The following SPIDR variants were observed in gnomAD, a reference collection of about 807,000 sequenced individuals.
SPIDR encodes scaffold protein involved in DNA repair.
In SPIDR, 93 loss-of-function variants were observed where a neutral mutation model predicts 104.6. The observed-to-expected ratio is 0.89, with a 90% CI of 0.75 to 1.06. SPIDR has a LOEUF of 1.06. Ranked by LOEUF, SPIDR falls within the 50% of genes least tolerant of loss-of-function variation. The probability of loss-of-function intolerance (pLI) is 0.00; values close to 1 mark genes in which losing one functional copy is unlikely to be tolerated. For synonymous variants in SPIDR, 431 were observed against 416.9 expected (o/e 1.03, Z -0.41); for missense variants, 1,154 against 1,111.2 (o/e 1.04, Z -0.55).
rs1163552801 is a variant in SPIDR at position 47,700,484 on chromosome 8, T to G, written c.1767T>G (p.Cys589Trp). Residue 589 changes from cysteine (C) to tryptophan (W), a missense_variant, in exon 12 of 20, where the codon TGT (cysteine) becomes TGG (tryptophan). By Grantham distance (215) the Cys-to-Trp change is radical. Transcript: ENST00000297423. ...PLKTPGRDQP[C>W]EEIKTHLPPP... Reference sequence around the variant, plus strand: ...AAACACCTGGCCGCGACCAGCCCTGTGAAGAGGTAAGCCCGGCACTGGAAA... The same window carrying G: ...AAACACCTGGCCGCGACCAGCCCTGGGAAGAGGTAAGCCCGGCACTGGAAA... 1.9e-6 allele frequency: 3 copies of G among 1,614,182 alleles called. No individual in the cohort carries two copies. In the Admixed American group the frequency reaches 5.0e-5, roughly 27 times the overall value.
chr8:47,598,936 T>C lies in SPIDR; in HGVS notation c.1294-10T>C. On this transcript the variant is annotated splice_polypyrimidine_tract_variant and intron_variant, in intron 9 of 19. Transcript: ENST00000297423. ...GTCTTGAAACTGTTCCCTTTATGTG[T>C]CTTGGCCAGGTTGTGTGTAGTGGTG... 1 of 1,613,864 alleles carries C rather than the reference T, an allele frequency of 6.2e-7. No individual in the cohort carries two copies. The highest frequency in any genetic ancestry group is 8.5e-7 in the Non-Finnish European group (1 of 1,179,870).
intron 11 of SPIDR, among the ~76,000 whole-genome samples, chr8:47,699,214 T>C (rs1252993158): frequency 6.6e-6 from 1 of 152,220 alleles, no homozygotes; most frequent in East Asian, 1.9e-4. Context: ...GGCTAATGTG[T>C]TGGACACTCA....
At chr8:47,619,002 C>G (rs772504461) in intron 10 of SPIDR, among the ~76,000 whole-genome samples, 1 of 152,238 alleles carries the variant, frequency 6.6e-6, no homozygotes, top group Non-Finnish European at 1.5e-5. Flanking sequence ...ACACAAGAAG[C>G]TGGCAACTTT....
chr8:47,729,156 G>A (rs2084797588), intron 18 of SPIDR, 109 bp downstream of exon 18: 1 of 1,539,974 alleles, frequency 6.5e-7, no homozygotes, highest in Admixed American at 2.0e-5. Flanking sequence ...CAGAGGCGCT[G>A]GGACTCGGCT....
chr8:47,728,786 C>T, intron 17 of SPIDR, 147 bp from the exon 18 acceptor site: 2 of 844,498 alleles, frequency 2.4e-6, no homozygotes, highest in Admixed American at 2.9e-5. Context: ...CAGGCAGCTG[C>T]AGGCCTCTCT....
At chr8:47,323,790 T>C (rs1554598441) in intron 5 of SPIDR, among the ~76,000 whole-genome samples, 1 of 152,156 alleles carries the variant, frequency 6.6e-6, no homozygotes, top group Non-Finnish European at 1.5e-5. Context: ...AGAATTAGTC[T>C]TCTACTTCTT....
Position 47,553,230 on chromosome 8 carries a change from A to G in SPIDR, c.1098-42581A>G, listed in dbSNP as rs987750309. ...CATTTCAACCTTGGTGAATCTGACA[A>G]TTATGTGTCTTGGGGTTGCTCTTCT... On this transcript the variant is annotated intron_variant, in intron 8 of 19. Coordinates refer to ENST00000297423, the MANE Select transcript of SPIDR (RefSeq NM_001080394.4). 1.3e-5 allele frequency among the ~76,000 whole-genome samples: 2 copies of G among 152,070 alleles called. 1 individual carries two copies.
intron 5 of SPIDR, 121 bp from the exon 6 acceptor site, chr8:47,396,255 C>CA (rs1473833419): frequency 7.0e-6 from 6 of 852,698 alleles, no homozygotes; most frequent in Non-Finnish European, 8.8e-6. Flanking sequence ...ATACTGTATT[C>CA]AAAAAGGTCC....
chr8:47,676,785 C>T (rs2076505081), intron 11 of SPIDR, among the ~76,000 whole-genome samples: 1 of 152,164 alleles, frequency 6.6e-6, no homozygotes, highest in Non-Finnish European at 1.5e-5. Flanking sequence ...TATCACTCAG[C>T]CCTACCCGCT....
At chr8:47,616,701 A>G (rs2064360551) in intron 10 of SPIDR, among the ~76,000 whole-genome samples, 1 of 152,254 alleles carries the variant, frequency 6.6e-6, no homozygotes, top group Non-Finnish European at 1.5e-5. Context: ...CGAAGATAAT[A>G]CAGAGCATTC....
At chr8:47,329,906 A>G (rs1278177215) in intron 5 of SPIDR, among the ~76,000 whole-genome samples, 5 of 152,152 alleles carry the variant, frequency 3.3e-5, no homozygotes, top group South Asian at 2.1e-4. Flanking sequence ...TGACATTTCT[A>G]TATGTTATAG....
chr8:47,358,517 G>A (rs143864312), intron 5 of SPIDR, among the ~76,000 whole-genome samples: 2 of 152,052 alleles, frequency 1.3e-5, no homozygotes, highest in East Asian at 1.9e-4. Context: ...TTTTCCTGAG[G>A]TGTCAGAAGA....
intron 8 of SPIDR, among the ~76,000 whole-genome samples, chr8:47,458,658 G>T (rs2073428225): frequency 6.6e-6 from 1 of 151,892 alleles, no homozygotes; most frequent in Non-Finnish European, 1.5e-5. Flanking sequence ...GCTCTGGCTA[G>T]GACTTCTAGT....
intron 8 of SPIDR, among the ~76,000 whole-genome samples, chr8:47,595,366 T>G (rs866392595): frequency 1.2e-4 from 19 of 152,360 alleles, no homozygotes; most frequent in African/African-American, 3.8e-4. Flanking sequence ...ATTCAGCAAC[T>G]ATAGTCAGTT....
At chr8:47,723,211 G>C (rs2083666055) in intron 16 of SPIDR, among the ~76,000 whole-genome samples, 1 of 151,986 alleles carries the variant, frequency 6.6e-6, no homozygotes, top group Non-Finnish European at 1.5e-5. Context: ...CTTGTTTTTT[G>C]TTCACTCCGA....
At chr8:47,661,185 CTCTCTGGCTGATGGAA>C (rs1476285127) in intron 10 of SPIDR, among the ~76,000 whole-genome samples, 3 of 152,212 alleles carry the variant, frequency 2.0e-5, no homozygotes, top group Admixed American at 6.5e-5. Context: ...TTTTGAATGG[CTCTCTGGCTGATGGAA>C]TCAGTGCAGT....
intron 16 of SPIDR, among the ~76,000 whole-genome samples, chr8:47,720,786 C>G (rs1199631919): frequency 2.0e-5 from 3 of 151,044 alleles, no homozygotes; most frequent in Admixed American, 2.0e-4. Context: ...GAGATGGAGT[C>G]TCTCTCTGTT....
intron 10 of SPIDR, among the ~76,000 whole-genome samples, chr8:47,666,649 A>C (rs983312107): frequency 4.6e-5 from 7 of 152,206 alleles, no homozygotes; most frequent in African/African-American, 2.4e-5. Context: ...AGAAGAATGC[A>C]AATAGAACAG....
At chr8:47,482,420 C>T (rs1554727826) in intron 8 of SPIDR, among the ~76,000 whole-genome samples, 3 of 152,102 alleles carry the variant, frequency 2.0e-5, no homozygotes, top group South Asian at 4.1e-4. Context: ...GGCTACAGAG[C>T]GAGGCCCTGT....
Sources: gnomAD v4.1 joint callset for allele counts (sites outside exome capture counted in the v4.1 genomes callset) on GRCh38, gnomAD v4.1.1 for gene constraint, MANE v1.5 for transcripts, NCBI Gene and HGNC (gene_info 2026-07-23, HGNC 2026-07-21) for gene names.